Variants in MEGF9 observed in about 807,000 individuals in gnomAD.
The protein encoded by MEGF9 is multiple EGF like domains 9.
MEGF9 carries 6 observed loss-of-function variants against 46.8 expected under a neutral mutation model. The observed-to-expected ratio is 0.13, with a 90% CI of 0.07 to 0.25. MEGF9 has a LOEUF of 0.25. MEGF9 is among the 10% of genes least tolerant of loss of function. MEGF9 has a pLI of 1.00. For missense variants in MEGF9, 683 were observed against 792.4 expected, an observed-to-expected ratio of 0.86 and a Z score of 1.66; for synonymous variants, 302 against 330.7, an observed-to-expected ratio of 0.91 and a Z score of 0.94.
At chr9:120,649,336 A>T (rs2043639079) in intron 2 of MEGF9, among the ~76,000 whole-genome samples, 1 of 152,196 alleles carries the variant, frequency 6.6e-6, no homozygotes, top group African/African-American at 2.4e-5. Flanking sequence ...AATGATTCCC[A>T]GTGGAAGCTA....
At chr9:120,638,219 C>T (rs77197258) in intron 2 of MEGF9, among the ~76,000 whole-genome samples, 2,987 of 152,244 alleles carry the variant, frequency 0.02, 110 homozygotes, top group African/African-American at 0.069. Flanking sequence ...CTTTAACTCC[C>T]GGCTTCAAGT....
rs2043440644 is a variant in MEGF9 at position 120,610,632 on chromosome 9, TC to T, written c.1087+1763del. On this transcript the variant is annotated intron_variant, in intron 4 of 5. Transcript: ENST00000373930. ...TCCTCTCTGAAGCCATTGCTGATATTCCCCCACTCCAGGCAAAGTAATTATT... is the reference window on the plus strand; with the variant it reads ...TCCTCTCTGAAGCCATTGCTGATATTCCCCACTCCAGGCAAAGTAATTATT... 2.6e-5 allele frequency among the ~76,000 whole-genome samples: 4 copies of T among 152,124 alleles called. No individual in the cohort carries two copies. The South Asian group carries it at 8.3e-4, about 32-fold the overall frequency.
chr9:120,667,162 G>A (rs908583707), intron 1 of MEGF9, among the ~76,000 whole-genome samples: 2 of 152,116 alleles, frequency 1.3e-5, no homozygotes, highest in Non-Finnish European at 2.9e-5. Context: ...TGTCCCACAA[G>A]CAACTATTTC....
intron 2 of MEGF9, among the ~76,000 whole-genome samples, chr9:120,634,169 ATGT>A (rs1194771957): frequency 1.3e-5 from 2 of 152,140 alleles, no homozygotes; most frequent in Non-Finnish European, 2.9e-5. Flanking sequence ...GATATGTCCA[ATGT>A]TGAGACGTTA....
chr9:120,670,130 T>A (rs1272614185), intron 1 of MEGF9, among the ~76,000 whole-genome samples: 1 of 152,204 alleles, frequency 6.6e-6, no homozygotes, highest in African/African-American at 2.4e-5. Context: ...TAAATCTCAC[T>A]CTGTCACCCA....
At chr9:120,613,829 A>G (rs1237049921) in intron 3 of MEGF9, among the ~76,000 whole-genome samples, 1 of 152,210 alleles carries the variant, frequency 6.6e-6, no homozygotes. Context: ...CATTTTACAA[A>G]GTAAGCTAAC....
chr9:120,635,252 T>C (rs1372443990), intron 2 of MEGF9, among the ~76,000 whole-genome samples: 2 of 152,210 alleles, frequency 1.3e-5, no homozygotes, highest in Admixed American at 1.3e-4. Context: ...ATTCTCTCTT[T>C]GTATATGACT....
At chr9:120,634,566 C>T (rs189665370) in intron 2 of MEGF9, among the ~76,000 whole-genome samples, 2 of 134,398 alleles carry the variant, frequency 1.5e-5, no homozygotes, top group East Asian at 3.9e-4. Context: ...CGCCATTCTC[C>T]TGCCTCAGGA....
Position 120,603,856 on chromosome 9 carries a change from A to T in MEGF9, c.*1334T>A, listed in dbSNP as rs2043408201. ...ACATACCTCATGGCAAATGAGTGAC[A>T]GGCTATGTTCACATGTAGGAGATTT... On this transcript the variant is annotated 3_prime_UTR_variant, in exon 6 of 6. Coordinates refer to ENST00000373930, the MANE Select transcript of MEGF9 (RefSeq NM_001080497.3). 6.6e-6 allele frequency: 1 copy of T among 152,634 alleles called. No individual in the cohort carries two copies. The highest frequency in any genetic ancestry group is 2.1e-4 in the South Asian group (1 of 4,836). The allele number at this position is 152,634 out of a possible 1,614,324, so 9.5% of individuals were successfully genotyped here. A position where few individuals can be genotyped will look rare whatever the true frequency, so the allele number is the denominator to read the frequency against.
chr9:120,699,084 G>C (rs1270410552), intron 1 of MEGF9, among the ~76,000 whole-genome samples: 2 of 152,180 alleles, frequency 1.3e-5, no homozygotes, highest in Non-Finnish European at 2.9e-5. Context: ...CTGCCAGGGA[G>C]TACCAAGTCT....
At chr9:120,634,141 T>C (rs2043562173) in intron 2 of MEGF9, among the ~76,000 whole-genome samples, 1 of 152,190 alleles carries the variant, frequency 6.6e-6, no homozygotes, top group African/African-American at 2.4e-5. Context: ...TGTTTCCTTG[T>C]TGATTTTCTG....
intron 1 of MEGF9, among the ~76,000 whole-genome samples, chr9:120,703,296 A>G (rs191461376): frequency 4.1e-4 from 63 of 152,340 alleles, no homozygotes; most frequent in African/African-American, 1.5e-3. Flanking sequence ...CAATCACTAA[A>G]TATTTATTAA....
intron 1 of MEGF9, among the ~76,000 whole-genome samples, chr9:120,689,688 T>C (rs1196690328): frequency 6.6e-6 from 1 of 152,188 alleles, no homozygotes; most frequent in African/African-American, 2.4e-5. Context: ...TCCCCTATTG[T>C]AGTAAAAATG....
intron 1 of MEGF9, 25 bp downstream of exon 1, chr9:120,713,733 G>T: frequency 7.8e-7 from 1 of 1,281,362 alleles, no homozygotes; most frequent in Non-Finnish European, 9.9e-7. Context: ...GACGGGTCCT[G>T]CCCGAGAGGG....
At chr9:120,634,474 T>TTTTTTTTTTTTTTTTTTTA in intron 2 of MEGF9, among the ~76,000 whole-genome samples, 1 of 123,120 alleles carries the variant, frequency 8.1e-6, no homozygotes, top group South Asian at 2.7e-4. Context: ...TTTTTTTTTT[T>TTTTTTTTTTTTTTTTTTTA]GAGACGGAGT....
At chr9:120,645,652 G>T (rs1004922484) in intron 2 of MEGF9, among the ~76,000 whole-genome samples, 2 of 152,142 alleles carry the variant, frequency 1.3e-5, no homozygotes, top group Non-Finnish European at 2.9e-5. Flanking sequence ...TGCTATTTAG[G>T]CATATGAGGG....
intron 2 of MEGF9, among the ~76,000 whole-genome samples, chr9:120,647,260 A>G (rs954035055): frequency 6.6e-6 from 1 of 152,204 alleles, no homozygotes; most frequent in Non-Finnish European, 1.5e-5. Flanking sequence ...CACTGAAAAA[A>G]ACATAGAGCT....
At chr9:120,663,902 A>G (rs1447652404) in intron 1 of MEGF9, among the ~76,000 whole-genome samples, 2 of 152,224 alleles carry the variant, frequency 1.3e-5, no homozygotes, top group Non-Finnish European at 2.9e-5. Context: ...TCTGAAGAAC[A>G]ATAAAATATA....
At chr9:120,614,135 T>C (rs995911699) in intron 3 of MEGF9, among the ~76,000 whole-genome samples, 1 of 152,138 alleles carries the variant, frequency 6.6e-6, no homozygotes, top group African/African-American at 2.4e-5. Context: ...GTGATCCTCC[T>C]GCCTCAGCTT....
Sources: gnomAD v4.1 joint callset for allele counts (sites outside exome capture counted in the v4.1 genomes callset) on GRCh38, gnomAD v4.1.1 for gene constraint, MANE v1.5 for transcripts, NCBI Gene and HGNC (gene_info 2026-07-23, HGNC 2026-07-21) for gene names.